PHF21B: variants seen among roughly 807,000 people sequenced by gnomAD.
PHF21B encodes the protein PHD finger protein 21B.
Under a neutral mutation model 62.2 loss-of-function variants are expected in PHF21B, and 22 were observed. The ratio of observed to expected loss-of-function variants is 0.35; its 90% CI spans 0.25 to 0.51. PHF21B has a LOEUF of 0.51. Ranked by LOEUF, PHF21B falls within the 20% of genes least tolerant of loss-of-function variation. The pLI is 0.97. For missense variants in PHF21B, 701 were observed against 707.9 expected, an observed-to-expected ratio of 0.99 and a Z score of 0.11; for synonymous variants, 341 against 314.7, an observed-to-expected ratio of 1.08 and a Z score of -0.88.
At chr22:44,976,222 A>C (rs1052099847) in intron 2 of PHF21B, among the ~76,000 whole-genome samples, 2 of 152,234 alleles carry the variant, frequency 1.3e-5, no homozygotes, top group African/African-American at 2.4e-5. Flanking sequence ...CATGGGGTAC[A>C]GTAGGATATT....
chr22:44,919,058 C>G (rs1025900440), intron 3 of PHF21B, among the ~76,000 whole-genome samples: 2 of 152,184 alleles, frequency 1.3e-5, no homozygotes, highest in Non-Finnish European at 2.9e-5. Context: ...TCCTGGGGGG[C>G]TCCCTCTAGG....
In PHF21B at chr22:45,009,875, A is replaced by AGCCGCC; in HGVS notation, c.-332_-327dup. 514 of 144,854 alleles carry AGCCGCC rather than the reference A, an allele frequency of 3.5e-3. 2 individuals are homozygous for AGCCGCC. The highest frequency in any genetic ancestry group is 7.3e-3 in the Middle Eastern group (2 of 274). The allele number at this position is 144,854 out of a possible 1,614,324, so 9.0% of individuals were successfully genotyped here. A position where few individuals can be genotyped will look rare whatever the true frequency, so the allele number is the denominator to read the frequency against. ...CGCGCAGCCCCGCGCGCGCCCGCCC[A>AGCCGCC]GCCGCCGCCGCCGCCGCCTCCTCCC... is the stretch of plus-strand genomic sequence containing the variant. On this transcript the variant is annotated 5_prime_UTR_variant, in exon 1 of 13. Transcript: ENST00000313237. This position sits in a 1 kb window ranked among gnomAD's most constrained non-coding sequence, Gnocchi z 5.9.
intron 2 of PHF21B, among the ~76,000 whole-genome samples, chr22:45,007,587 A>G (rs1601707021): frequency 4.7e-5 from 1 of 21,448 alleles, no homozygotes; most frequent in South Asian, 1.3e-3. Context: ...GGGGCAGCGG[A>G]GGGAGGGAGG....
At chr22:44,963,097 C>T (rs951902360) in intron 2 of PHF21B, among the ~76,000 whole-genome samples, 10 of 152,260 alleles carry the variant, frequency 6.6e-5, no homozygotes, top group African/African-American at 1.4e-4. Flanking sequence ...GATCCCTCCT[C>T]GTAACAGAAT....
At chr22:44,888,847 A>ACACAGGGAGGGGGAGGCAGTTG (rs1569207827) in intron 9 of PHF21B, among the ~76,000 whole-genome samples, 102 of 152,132 alleles carry the variant, frequency 6.7e-4, no homozygotes, top group Admixed American at 4.9e-3. Flanking sequence ...GGAGGCAGTT[A>ACACAGGGAGGGGGAGGCAGTTG]TCACACAGCA....
chr22:44,888,322 G>T (rs527529531), intron 9 of PHF21B, among the ~76,000 whole-genome samples: 3 of 152,156 alleles, frequency 2.0e-5, no homozygotes, highest in Non-Finnish European at 2.9e-5. Flanking sequence ...CTGGGAGGAG[G>T]GGGGGCACCC....
intron 2 of PHF21B, among the ~76,000 whole-genome samples, chr22:44,950,923 C>T (rs192711611): frequency 2.4e-4 from 36 of 152,236 alleles, no homozygotes; most frequent in African/African-American, 7.5e-4. Flanking sequence ...GACTGAGACA[C>T]GTGCTGAGTG....
rs1197885108 is a variant in PHF21B, at chr22:44,882,845, C to T, written c.*241G>A. The T allele has an allele frequency of 4.0e-6, 2 of 496,188 alleles. No individual in the cohort carries two copies. Among genetic ancestry groups the T allele is most frequent in the Admixed American group, 7.6e-5 (2 of 26,420 alleles). The allele number at this position is 496,188 out of a possible 1,614,324, so 30.7% of individuals were successfully genotyped here. A position where few individuals can be genotyped will look rare whatever the true frequency, so the allele number is the denominator to read the frequency against. On this transcript the variant is annotated 3_prime_UTR_variant, in exon 13 of 13. Coordinates refer to ENST00000313237, the MANE Select transcript of PHF21B (RefSeq NM_138415.5). ...GTGGCCGGGGGGAGACTGTGTGCCC[C>T]AGCCTGTCGTACCCCACCTGGCTCC...
rs115989926 is a variant in PHF21B at position 44,903,071 on chromosome 22, C to T, written c.832-6988G>A. Among the ~76,000 whole-genome samples the T allele has an allele frequency of 5.0e-3, 768 of 152,330 alleles. 5 individuals carry two copies. Among genetic ancestry groups the T allele is most frequent in the African/African-American group, 0.017 (721 of 41,584 alleles). On this transcript the variant is annotated intron_variant, in intron 5 of 12. Transcript: ENST00000313237. The stretch of plus-strand genomic sequence containing the variant: ...CTGCCACCTTCCCTGTTCCTGGATG[C>T]CTTACAGATTGCAGGTGCAATCCCT...
At chr22:44,935,866 T>C (rs972389758) in intron 2 of PHF21B, among the ~76,000 whole-genome samples, 12 of 152,084 alleles carry the variant, frequency 7.9e-5, no homozygotes, top group African/African-American at 2.9e-4. Context: ...GGCTCTGCCC[T>C]GTCTCTGCCC....
chr22:44,975,803 G>A (rs908153896), intron 2 of PHF21B, among the ~76,000 whole-genome samples: 2 of 152,216 alleles, frequency 1.3e-5, no homozygotes, highest in African/African-American at 4.8e-5. Flanking sequence ...CTTCCAACTC[G>A]CCCAGGAGAG....
chr22:44,937,647 T>G (rs781113126), intron 2 of PHF21B, among the ~76,000 whole-genome samples: 2 of 152,174 alleles, frequency 1.3e-5, no homozygotes, highest in African/African-American at 2.4e-5. Context: ...CGGAGCAGCT[T>G]TATTCATAAT....
At chr22:44,946,208 A>G (rs1266719383) in intron 2 of PHF21B, among the ~76,000 whole-genome samples, 4 of 152,082 alleles carry the variant, frequency 2.6e-5, no homozygotes, top group South Asian at 4.1e-4. Flanking sequence ...TGGAGGGGGC[A>G]CCACGTACTT....
intron 5 of PHF21B, among the ~76,000 whole-genome samples, chr22:44,902,753 A>AT (rs144931568): frequency 9.2e-5 from 14 of 151,418 alleles, no homozygotes; most frequent in South Asian, 4.2e-4. Context: ...CAGGATATCA[A>AT]TTTTTTTTTC....
chr22:44,986,321 G>A (rs542431738), intron 2 of PHF21B, among the ~76,000 whole-genome samples: 213 of 144,334 alleles, frequency 1.5e-3, no homozygotes, highest in African/African-American at 5.1e-3. Context: ...CCATTATCAC[G>A]ACAACCATCA....
rs535829576 is a variant in PHF21B at position 44,903,031 on chromosome 22, G to A, written c.832-6948C>T. On this transcript the variant is annotated intron_variant, in intron 5 of 12. Coordinates refer to ENST00000313237, the MANE Select transcript of PHF21B (RefSeq NM_138415.5). The stretch of plus-strand genomic sequence containing the variant: ...CACGCCTCCTCTGCCTCTCCCCCAT[G>A]GTCAAAGAGCATTTCTGCCACCTTC... Among the ~76,000 whole-genome samples, 4 of 152,270 alleles carry A rather than the reference G, an allele frequency of 2.6e-5. No individual in the cohort carries two copies. In the South Asian group the frequency reaches 8.3e-4, roughly 32 times the overall value.
At chr22:44,910,573 T>G (rs762767436) in intron 5 of PHF21B, among the ~76,000 whole-genome samples, 3 of 150,610 alleles carry the variant, frequency 2.0e-5, no homozygotes, top group Non-Finnish European at 4.4e-5. Flanking sequence ...GGTGTAAAAA[T>G]GGGAGTTTCC....
chr22:45,000,329 T>C (rs377535974), intron 2 of PHF21B, among the ~76,000 whole-genome samples: 1 of 151,840 alleles, frequency 6.6e-6, no homozygotes, highest in Non-Finnish European at 1.5e-5. Flanking sequence ...GCCCCATACA[T>C]ATCAAGAGCC....
chr22:44,910,901 A>G (rs1302928655), intron 5 of PHF21B, among the ~76,000 whole-genome samples: 1 of 152,236 alleles, frequency 6.6e-6, no homozygotes, highest in East Asian at 1.9e-4. Flanking sequence ...AAAATATGGA[A>G]AAGTTCAGAA....
Sources: allele counts gnomAD v4.1 joint callset (sites outside exome capture counted in the v4.1 genomes callset), GRCh38; gene constraint gnomAD v4.1.1; non-coding constraint Gnocchi (gnomAD v3.1); transcripts MANE v1.5; gene names NCBI Gene and HGNC (gene_info 2026-07-23, HGNC 2026-07-21).